Variants in PHEX observed in about 807,000 individuals in gnomAD.
PHEX encodes the protein phosphate-regulating neutral endopeptidase PHEX.
A neutral mutation model predicts 68.0 loss-of-function variants in PHEX; 16 were observed. The observed-to-expected ratio is 0.24, with a 90% CI of 0.16 to 0.36. PHEX has a LOEUF of 0.36. Ranked by LOEUF, PHEX falls within the 10% of genes least tolerant of loss-of-function variation. The probability of loss-of-function intolerance (pLI) is 1.00; values close to 1 mark genes in which losing one functional copy is unlikely to be tolerated. For missense variants in PHEX, 480 were observed against 575.5 expected (o/e 0.83, Z 1.70); for synonymous variants, 208 against 205.1 (o/e 1.01, Z -0.12).
chrX:22,057,168 A>T (rs1338781781), intron 3 of PHEX, among the ~76,000 whole-genome samples: 1 of 112,132 alleles, frequency 8.9e-6, no homozygotes, highest in Non-Finnish European at 1.9e-5. Flanking sequence ...GAAAATTAAA[A>T]ATTACGTATG....
intron 6 of PHEX, among the ~76,000 whole-genome samples, chrX:22,093,379 A>G (rs770637666): frequency 2.7e-5 from 3 of 112,043 alleles, no homozygotes; most frequent in East Asian, 2.8e-4. Flanking sequence ...AGGAAATTCT[A>G]TATTTGCTAT....
chrX:22,178,049 G>C (rs987739014), intron 13 of PHEX, among the ~76,000 whole-genome samples: 5 of 112,091 alleles, frequency 4.5e-5, no homozygotes, highest in African/African-American at 9.7e-5. Flanking sequence ...TGTTTTTACT[G>C]TGATCCAGAA....
chrX:22,224,951 A>G (rs1243682156), intron 18 of PHEX, among the ~76,000 whole-genome samples: 1 of 113,840 alleles, frequency 8.8e-6, no homozygotes, highest in Non-Finnish European at 1.9e-5. Context: ...AACATAAATT[A>G]TCATACAGCG....
In PHEX at chrX:22,202,515, TA is replaced by T. The variant is rs3216807; in HGVS notation, c.1646-10387del. 3.2e-3 allele frequency among the ~76,000 whole-genome samples: 364 copies of T among 112,422 alleles called. No individual in the cohort carries two copies. The East Asian group carries it at 0.041, about 13-fold the overall frequency. On this transcript the variant is annotated intron_variant, in intron 15 of 21. Transcript: ENST00000379374. Reference sequence around the variant, plus strand: ...TCCAGTAACAACAAATGAGATGGTTTAACCTTTAATGAGTTGCATCTTAAAG... The same window carrying T: ...TCCAGTAACAACAAATGAGATGGTTTACCTTTAATGAGTTGCATCTTAAAG...
intron 8 of PHEX, chrX:22,097,606 G>T: frequency 1.4e-5 from 3 of 212,092 alleles, no homozygotes; most frequent in Non-Finnish European, 2.1e-5. Flanking sequence ...CACAGGGGAG[G>T]TTGGGCAAGT....
At chrX:22,146,328 T>C (rs1932692846) in intron 12 of PHEX, among the ~76,000 whole-genome samples, 1 of 112,243 alleles carries the variant, frequency 8.9e-6, no homozygotes, top group Admixed American at 9.5e-5. Context: ...TTATCTTTTG[T>C]AAGGGGCAGT....
At chrX:22,086,629 G>A (rs1164866785) in intron 5 of PHEX, among the ~76,000 whole-genome samples, 2 of 111,335 alleles carry the variant, frequency 1.8e-5, no homozygotes, top group Non-Finnish European at 3.8e-5. Context: ...GATATTGCTG[G>A]TGAGAATCTT....
chrX:22,072,227 AAAAC>A (rs1450957224), intron 3 of PHEX, among the ~76,000 whole-genome samples: 1 of 109,301 alleles, frequency 9.1e-6, no homozygotes, highest in Non-Finnish European at 1.9e-5. Context: ...ACTCCATCTC[AAAAC>A]AAACAAACAC....
At position 22,073,789 on chromosome X, in the gene PHEX, G is replaced by A. The variant is rs755340110; in HGVS notation, c.350-2599G>A. On this transcript the variant is annotated intron_variant, in intron 3 of 21. Transcript: ENST00000379374. ...CGAGTAGCTGGGACTACAGGTGTGCGCCACCATACCCGGCTAATTTTTGTA... is the reference window on the plus strand; with the variant it reads ...CGAGTAGCTGGGACTACAGGTGTGCACCACCATACCCGGCTAATTTTTGTA... 3.1e-4 allele frequency among the ~76,000 whole-genome samples: 34 copies of A among 108,511 alleles called. No homozygotes were observed. The East Asian group carries it at 7.5e-3, about 24-fold the overall frequency. 94.2% of individuals were successfully genotyped at this position (108,511 alleles called of 115,157 possible). A position where few individuals can be genotyped will look rare whatever the true frequency, so the allele number is the denominator to read the frequency against.
Position 22,248,040 on chromosome X carries a change from C to A in PHEX, c.*87C>A. ...GCCTTCATCGCCCATTGCTTTAGGC[C>A]TGGAGACTTTCATTTTTAGTGCATT... On this transcript the variant is annotated 3_prime_UTR_variant, in exon 22 of 22. Transcript: ENST00000379374. 1 of 653,717 alleles carries A rather than the reference C, an allele frequency of 1.5e-6. No individual in the cohort carries two copies. Among genetic ancestry groups the A allele is most frequent in the Non-Finnish European group, 2.6e-6 (1 of 391,660 alleles). The allele number at this position is 653,717 out of a possible 1,213,427, so 53.9% of individuals were successfully genotyped here. A position where few individuals can be genotyped will look rare whatever the true frequency, so the allele number is the denominator to read the frequency against.
chrX:22,096,366 G>A (rs180701043), intron 7 of PHEX, among the ~76,000 whole-genome samples: 17 of 112,223 alleles, frequency 1.5e-4, no homozygotes, highest in African/African-American at 5.5e-4. Context: ...ATAGAGCCAG[G>A]GCTAGAGAGA....
intron 12 of PHEX, among the ~76,000 whole-genome samples, chrX:22,160,790 G>A (rs1933097933): frequency 9.0e-6 from 1 of 111,299 alleles, no homozygotes; most frequent in African/African-American, 3.3e-5. Context: ...TTTGCTGATT[G>A]ATTGAAATAG....
intron 15 of PHEX, among the ~76,000 whole-genome samples, chrX:22,203,977 C>T (rs1481341238): frequency 9.0e-6 from 1 of 111,211 alleles, no homozygotes; most frequent in African/African-American, 3.3e-5. Flanking sequence ...TTAAAAAATG[C>T]TTATGTTCAG....
rs1934977776 is a variant in PHEX, at chrX:22,212,946, C to T, written c.1688C>T (p.Thr563Ile). ...GELQKPFFWG[T>I]EYPRSLSYGA... ...CTCCAGAAGCCTTTCTTTTGGGGAA[C>T]AGAATATCCTCGGTGAGTAAATGAG... is the stretch of plus-strand genomic sequence containing the variant. Residue 563 changes from threonine to isoleucine, a missense_variant, in exon 16 of 22, where the codon ACA (threonine) becomes ATA (isoleucine). Physicochemically the swap from Thr to Ile is moderately conservative, Grantham distance 89 (BLOSUM62 -1). Coordinates refer to ENST00000379374, the MANE Select transcript of PHEX (RefSeq NM_000444.6). 8.4e-7 allele frequency: 1 copy of T among 1,195,335 alleles called. No individual in the cohort carries two copies. The highest frequency in any genetic ancestry group is 1.1e-6 in the Non-Finnish European group (1 of 881,873).
rs1415672995 is a variant in PHEX, at chrX:22,062,435, A to G, written c.350-13953A>G. Among the ~76,000 whole-genome samples, 4 of 111,355 alleles carry G rather than the reference A, an allele frequency of 3.6e-5. No homozygotes were observed. The East Asian group carries it at 8.4e-4, about 23-fold the overall frequency. ...GATGATATATTTTATCTACCCCAAT[A>G]TATCCAAAATACTGTTATTTCTACA... On this transcript the variant is annotated intron_variant, in intron 3 of 21. Coordinates refer to ENST00000379374, the MANE Select transcript of PHEX (RefSeq NM_000444.6).
chrX:22,129,658 C>T (rs1381333838), intron 11 of PHEX, among the ~76,000 whole-genome samples: 2 of 111,707 alleles, frequency 1.8e-5, no homozygotes, highest in African/African-American at 6.5e-5. Flanking sequence ...CCTTTGCCCT[C>T]TGAGACACCA....
At chrX:22,064,421 A>G (rs1928511069) in intron 3 of PHEX, among the ~76,000 whole-genome samples, 1 of 111,747 alleles carries the variant, frequency 8.9e-6, no homozygotes, top group Non-Finnish European at 1.9e-5. Context: ...CTGTTCCTGC[A>G]TTAGTTTGTT....
At chrX:22,091,526 C>G (rs1220888292) in intron 6 of PHEX, among the ~76,000 whole-genome samples, 1 of 112,089 alleles carries the variant, frequency 8.9e-6, no homozygotes, top group African/African-American at 3.2e-5. Context: ...TACTGCTTCT[C>G]CTTCATCACA....
In PHEX at chrX:22,111,473, T is replaced by C. The variant is rs1196213409; in HGVS notation, c.1086T>C (p.Ile362=). 8.3e-7 allele frequency: 1 copy of C among 1,204,488 alleles called. No homozygotes were observed. The highest frequency in any genetic ancestry group is 2.2e-5 in the Admixed American group (1 of 46,103). The change falls in exon 10 of 22, where the codon ATT becomes ATC. Residue 362 remains isoleucine (I), a synonymous_variant. Transcript: ENST00000379374. The part of the protein sequence containing the change: ...RILGSERKKT[I]ANYLVWRMVY... Reference sequence around the variant, plus strand: ...CATCTCTCTCTGTTAACAGGACCATTGCCAACTATTTGGTGTGGAGAATGG... The same window carrying C: ...CATCTCTCTCTGTTAACAGGACCATCGCCAACTATTTGGTGTGGAGAATGG...
Sources: gnomAD v4.1 joint callset for allele counts (sites outside exome capture counted in the v4.1 genomes callset) on GRCh38, gnomAD v4.1.1 for gene constraint, MANE v1.5 for transcripts, NCBI Gene and HGNC (gene_info 2026-07-23, HGNC 2026-07-21) for gene names.